The following SLC15A3 variants were observed in gnomAD, a reference collection of about 807,000 sequenced individuals.
The protein encoded by SLC15A3 is solute carrier family 15 member 3.
SLC15A3 carries 39 observed loss-of-function variants against 49.2 expected under a neutral mutation model. That is an observed-to-expected ratio of 0.79 (90% CI 0.61 to 1.04). The LOEUF (loss-of-function observed/expected upper bound fraction) is 1.04, where lower values mean the gene tolerates loss of function less well. SLC15A3 is among the 50% of genes least tolerant of loss of function. SLC15A3 has a pLI of 0.00. For missense variants in SLC15A3, 758 were observed against 794.8 expected (o/e 0.95, Z 0.56); for synonymous variants, 339 against 367.0 (o/e 0.92, Z 0.87).
At chr11:60,947,373 G>A (rs1856819827) in intron 1 of SLC15A3, among the ~76,000 whole-genome samples, 1 of 152,052 alleles carries the variant, frequency 6.6e-6, no homozygotes, top group Non-Finnish European at 1.5e-5. Context: ...TAGAGACGGG[G>A]TTTCACCTTG....
chr11:60,944,299 C>A (rs956678198), intron 2 of SLC15A3, among the ~76,000 whole-genome samples: 5 of 152,178 alleles, frequency 3.3e-5, no homozygotes, highest in African/African-American at 1.2e-4. Context: ...CTCATCTCCT[C>A]CACCCCGCTG....
rs528140464 is a variant in SLC15A3, at chr11:60,937,883, G to A, written c.1578C>T (p.Cys526=). 1.9e-4 allele frequency: 304 copies of A among 1,614,080 alleles called. No individual in the cohort carries two copies. The Middle Eastern group carries it at 2.5e-3, about 13-fold the overall frequency. ...LLSLPGGWLH[C]PKDFGNINNC... The stretch of plus-strand genomic sequence containing the variant: ...CCCCATACTCACCAAAGTCCTTGGG[G>A]CAGTGCAGCCAGCCCCCGGGCAAGG... Residue 526 remains cysteine (C), a synonymous_variant, in exon 7 of 8, where the codon TGC becomes TGT. Coordinates refer to ENST00000227880, the MANE Select transcript of SLC15A3 (RefSeq NM_016582.3).
intron 1 of SLC15A3, among the ~76,000 whole-genome samples, chr11:60,950,591 C>T (rs1400538397): frequency 6.6e-6 from 1 of 150,678 alleles, no homozygotes; most frequent in Non-Finnish European, 1.5e-5. Context: ...AGTTCAAGAC[C>T]AACATGGTGA....
chr11:60,945,927 C>T (rs941943011), intron 2 of SLC15A3, among the ~76,000 whole-genome samples: 1 of 152,156 alleles, frequency 6.6e-6, no homozygotes, highest in Non-Finnish European at 1.5e-5. Flanking sequence ...TAGATACCAA[C>T]ACCATCATCC....
chr11:60,946,293 C>G (rs1856799526), intron 2 of SLC15A3, among the ~76,000 whole-genome samples: 1 of 152,114 alleles, frequency 6.6e-6, no homozygotes, highest in African/African-American at 2.4e-5. Flanking sequence ...GCCCCCAGCC[C>G]CATCCTCACA....
chr11:60,949,422 GAAGGAAAGAAA>G lies in SLC15A3; in HGVS notation c.558+1561_558+1571del, dbSNP rs1309110445. 0.034 allele frequency among the ~76,000 whole-genome samples: 2,801 copies of G among 82,330 alleles called. 194 individuals are homozygous for G. The East Asian group carries it at 0.38, about 11-fold the overall frequency. 54.0% of individuals were successfully genotyped at this position (82,330 alleles called of 152,430 possible). A position where few individuals can be genotyped will look rare whatever the true frequency, so the allele number is the denominator to read the frequency against. On this transcript the variant is annotated intron_variant, in intron 1 of 7. Coordinates refer to ENST00000227880, the MANE Select transcript of SLC15A3 (RefSeq NM_016582.3). ...AGAAAGAAAGGAAGAAAGAAAGAAAGAAGGAAAGAAAGAAAGAAAGAAAGAAAGAGAAAGAA... is the reference window on the plus strand; with the variant it reads ...AGAAAGAAAGGAAGAAAGAAAGAAAGGAAAGAAAGAAAGAAAGAGAAAGAA...
intron 6 of SLC15A3, 86 bp from the exon 7 acceptor site, chr11:60,938,111 G>T: frequency 8.2e-6 from 12 of 1,468,476 alleles, no homozygotes; most frequent in Non-Finnish European, 1.1e-5. Context: ...CCCTGACCCT[G>T]CCCCCACCAA....
At position 60,951,093 on chromosome 11, in the gene SLC15A3, G is replaced by A; in HGVS notation, c.459C>T (p.Pro153=). Residue 153 remains proline (P), a synonymous_variant, in exon 1 of 8, where the codon CCC becomes CCT. Transcript: ENST00000227880. The part of the protein sequence containing the change: ...CPSAGCPRSS[P]SPYCAPVLYA... The stretch of plus-strand genomic sequence containing the variant: ...AGAGGACGGGCGCGCAGTAGGGGCT[G>A]GGCGAGGAGCGCGGGCAGCCGGCCG... The A allele has an allele frequency of 6.8e-7, 1 of 1,478,790 alleles. No individual in the cohort carries two copies. Among genetic ancestry groups the A allele is most frequent in the Non-Finnish European group, 8.9e-7 (1 of 1,124,626 alleles). 91.6% of individuals were successfully genotyped at this position (1,478,790 alleles called of 1,614,324 possible).
At chr11:60,940,982 G>T in intron 5 of SLC15A3, 140 bp downstream of exon 5, 1 of 851,238 alleles carries the variant, frequency 1.2e-6, no homozygotes, top group South Asian at 2.3e-5. Context: ...CTTTCAGCTT[G>T]CACCTCTGGG....
At chr11:60,940,097 C>T in intron 5 of SLC15A3, 1 of 170,434 alleles carries the variant, frequency 5.9e-6, no homozygotes, top group Non-Finnish European at 1.3e-5. Flanking sequence ...TTCTCTACTG[C>T]AACGTCAAGT....
chr11:60,941,223 C>T lies in SLC15A3; in HGVS notation c.1175G>A (p.Arg392His), dbSNP rs779627240. The T allele has an allele frequency of 5.6e-6, 9 of 1,613,992 alleles. No homozygotes were observed. The highest frequency in any genetic ancestry group is 2.7e-5 in the African/African-American group (2 of 74,928). Residue 392 changes from arginine to histidine, a missense_variant, in exon 5 of 8, where the codon CGC becomes CAC. Around this residue, in one of 3 missense-constraint regions of SLC15A3, gnomAD observed 699 missense variants for 706.7 expected, o/e 0.99. Coordinates refer to ENST00000227880, the MANE Select transcript of SLC15A3 (RefSeq NM_016582.3). ...VVLILVPLKD[R>H]LIDPLLLRCK... is the part of the protein sequence containing the mutation. The stretch of plus-strand genomic sequence containing the variant: ...CCGCAGCAGTAAAGGGTCGATCAAG[C>T]GGTCCTTCAGAGGGACCAGAATCAG...
chr11:60,939,218 C>T (rs747606843), intron 6 of SLC15A3, among the ~76,000 whole-genome samples: 1 of 152,214 alleles, frequency 6.6e-6, no homozygotes, highest in Non-Finnish European at 1.5e-5. Flanking sequence ...GGTGGAGAAC[C>T]TGGCACCAGG....
In SLC15A3 at chr11:60,951,078, C is replaced by A. The variant is rs907192077; in HGVS notation, c.474G>T (p.Ala158=). ...CPRSSPSPYC[A]PVLYAGLLLL... is the part of the protein sequence containing the mutation. ...GCAGCAGGCCCGCGTAGAGGACGGG[C>A]GCGCAGTAGGGGCTGGGCGAGGAGC... is the stretch of plus-strand genomic sequence containing the variant. The change falls in exon 1 of 8, where the codon GCG becomes GCT. Residue 158 remains alanine, a synonymous_variant. Coordinates refer to ENST00000227880, the MANE Select transcript of SLC15A3 (RefSeq NM_016582.3). 1.7e-5 allele frequency: 25 copies of A among 1,484,210 alleles called. No homozygotes were observed. Among genetic ancestry groups the A allele is most frequent in the Non-Finnish European group, 2.1e-5 (24 of 1,126,848 alleles). The allele number at this position is 1,484,210 out of a possible 1,614,324, so 91.9% of individuals were successfully genotyped here.
chr11:60,949,374 G>T (rs879928362), intron 1 of SLC15A3, among the ~76,000 whole-genome samples: 3 of 134,376 alleles, frequency 2.2e-5, no homozygotes, highest in Non-Finnish European at 3.1e-5. Context: ...GAAAGAAAGA[G>T]AAAGAAAGAG....
At chr11:60,939,902 T>C (rs1035549623) in intron 5 of SLC15A3, 1 of 446,766 alleles carries the variant, frequency 2.2e-6, no homozygotes, top group Non-Finnish European at 4.0e-6. Context: ...GAACCTGTTA[T>C]GTGCTAGGCA....
rs2134918453 is a variant in SLC15A3, at chr11:60,937,207, A to T, written c.*12T>A. ...CGGTAGAGTGAAGCAAGGGGGCTGG[A>T]ATAGGGCCTGTTCAGCCCCTGTCCC... is the stretch of plus-strand genomic sequence containing the variant. On this transcript the variant is annotated 3_prime_UTR_variant, in exon 8 of 8. Coordinates refer to ENST00000227880, the MANE Select transcript of SLC15A3 (RefSeq NM_016582.3). 6.2e-7 allele frequency: 1 copy of T among 1,611,370 alleles called. No individual in the cohort carries two copies. The highest frequency in any genetic ancestry group is 8.5e-7 in the Non-Finnish European group (1 of 1,177,980).
chr11:60,946,936 G>A (rs956665173), intron 1 of SLC15A3, 115 bp from the exon 2 acceptor site: 8 of 1,126,896 alleles, frequency 7.1e-6, no homozygotes, highest in South Asian at 4.8e-5. Flanking sequence ...TGGGCGTTCC[G>A]ACACTTTCCC....
Position 60,946,953 on chromosome 11 carries a change from T to C in SLC15A3, c.559-132A>G, listed in dbSNP as rs963737896. On this transcript the variant is annotated intron_variant, in intron 1 of 7. Transcript: ENST00000227880. ...GGCGTTCCGACACTTTCCCAGTCTC[T>C]GATCACAAACAGATGCTCAGTAAAT... 2.7e-5 allele frequency: 26 copies of C among 953,562 alleles called. No homozygotes were observed. The East Asian group carries it at 6.4e-4, about 23-fold the overall frequency. 59.1% of individuals were successfully genotyped at this position (953,562 alleles called of 1,614,324 possible).
intron 3 of SLC15A3, chr11:60,942,872 AG>A (rs1856735653): frequency 6.6e-6 from 1 of 151,974 alleles, no homozygotes; most frequent in South Asian, 2.1e-4. Context: ...GTTCCTGTGA[AG>A]GGGGTATGGA....
Sources: gnomAD v4.1 joint callset for allele counts (sites outside exome capture counted in the v4.1 genomes callset) on GRCh38, gnomAD v4.1.1 for gene constraint, gnomAD v4.1.1 regional missense constraint, MANE v1.5 for transcripts, NCBI Gene and HGNC (gene_info 2026-07-23, HGNC 2026-07-21) for gene names.